IL15: variants seen among roughly 807,000 people sequenced by gnomAD.
IL15 encodes interleukin 15.
Under a neutral mutation model 19.6 loss-of-function variants are expected in IL15, and 11 were observed. The observed-to-expected ratio is 0.56, with a 90% CI of 0.35 to 0.93. The LOEUF is 0.93. IL15 is among the 40% of genes least tolerant of loss of function. The pLI is 0.01. For synonymous variants in IL15, 58 were observed against 59.6 expected (o/e 0.97, Z 0.12); for missense variants, 197 against 186.5 (o/e 1.06, Z -0.33).
rs181375044 is a variant in IL15 at position 141,645,074 on chromosome 4, C to A, written c.-222+8326C>A. Among the ~76,000 whole-genome samples the A allele has an allele frequency of 1.6e-3, 243 of 152,168 alleles. 2 individuals are homozygous for A. The highest frequency in any genetic ancestry group is 5.7e-3 in the African/African-American group (235 of 41,518). ...TGTTAGAGGGTTAATAATTTAGAGA[C>A]CTTTTATATACTCACTTTTGTTTAA... is the stretch of plus-strand genomic sequence containing the variant. On this transcript the variant is annotated intron_variant, in intron 1 of 7. Coordinates refer to ENST00000320650, the MANE Select transcript of IL15 (RefSeq NM_000585.5).
intron 1 of IL15, among the ~76,000 whole-genome samples, chr4:141,654,917 G>A (rs1727539373): frequency 6.6e-6 from 1 of 152,108 alleles, no homozygotes; most frequent in African/African-American, 2.4e-5. Flanking sequence ...TAAAATTGAA[G>A]AAATATACTG....
rs187669054 is a variant in IL15, at chr4:141,651,066, T to C, written c.-221-5120T>C. Among the ~76,000 whole-genome samples, 85 of 152,120 alleles carry C rather than the reference T, an allele frequency of 5.6e-4. 1 individual carries two copies. The highest frequency in any genetic ancestry group is 9.6e-5 in the African/African-American group (4 of 41,528). On this transcript the variant is annotated intron_variant, in intron 1 of 7. Coordinates refer to ENST00000320650, the MANE Select transcript of IL15 (RefSeq NM_000585.5). ...TAGATGGGAATGATGGTAGTCTGTA[T>C]GGAGTATAATAAAAGAATAGATGAA...
At chr4:141,687,788 C>T (rs759932233) in intron 2 of IL15, among the ~76,000 whole-genome samples, 1 of 152,072 alleles carries the variant, frequency 6.6e-6, no homozygotes, top group East Asian at 1.9e-4. Context: ...AATAACCCAG[C>T]CTTTTACTAA....
chr4:141,698,707 C>T (rs1306611433), intron 2 of IL15, among the ~76,000 whole-genome samples: 1 of 151,978 alleles, frequency 6.6e-6, no homozygotes, highest in African/African-American at 2.4e-5. Context: ...TCTAATTGAG[C>T]TTAATTGAAT....
chr4:141,711,353 A>T (rs1032374467), intron 2 of IL15, among the ~76,000 whole-genome samples: 4 of 152,118 alleles, frequency 2.6e-5, no homozygotes, highest in Non-Finnish European at 5.9e-5. Flanking sequence ...GAAAGATGAA[A>T]TGTGGGGTAA....
At chr4:141,706,129 T>C (rs1174502617) in intron 2 of IL15, among the ~76,000 whole-genome samples, 2 of 152,022 alleles carry the variant, frequency 1.3e-5, no homozygotes, top group Non-Finnish European at 2.9e-5. Context: ...ATTTCGTAAA[T>C]GTTTTGTTCC....
At chr4:141,723,621 T>A (rs62325660) in intron 5 of IL15, among the ~76,000 whole-genome samples, 2,443 of 152,296 alleles carry the variant, frequency 0.016, 27 homozygotes, top group South Asian at 0.027. Flanking sequence ...TGGTAGTTTA[T>A]TACAGCAGCT....
chr4:141,674,542 C>T (rs1425882616), intron 2 of IL15, among the ~76,000 whole-genome samples: 8 of 151,160 alleles, frequency 5.3e-5, no homozygotes, highest in Non-Finnish European at 7.4e-5. Flanking sequence ...GCCAAGATCA[C>T]GCCACTGCAC....
intron 2 of IL15, chr4:141,716,832 A>G (rs1729903014): frequency 6.6e-6 from 1 of 152,256 alleles, no homozygotes; most frequent in Non-Finnish European, 1.5e-5. Flanking sequence ...AGGATGCAGA[A>G]TATGGAGTGA....
intron 1 of IL15, among the ~76,000 whole-genome samples, chr4:141,643,863 C>T (rs1727132946): frequency 6.6e-6 from 1 of 151,854 alleles, no homozygotes; most frequent in South Asian, 2.1e-4. Flanking sequence ...GTCTATTTAG[C>T]TGTTATTCAA....
intron 2 of IL15, among the ~76,000 whole-genome samples, chr4:141,697,948 A>G (rs1729157623): frequency 6.6e-6 from 1 of 151,960 alleles, no homozygotes; most frequent in Non-Finnish European, 1.5e-5. Context: ...ATGCTTTTCC[A>G]TTCAGTATTA....
chr4:141,641,020 C>T (rs539337408), intron 1 of IL15, among the ~76,000 whole-genome samples: 1 of 152,200 alleles, frequency 6.6e-6, no homozygotes, highest in Non-Finnish European at 1.5e-5. Flanking sequence ...TCTTTGGTCC[C>T]TTATATCACT....
intron 2 of IL15, among the ~76,000 whole-genome samples, chr4:141,685,609 C>T (rs1282680195): frequency 6.6e-6 from 1 of 152,188 alleles, no homozygotes; most frequent in Non-Finnish European, 1.5e-5. Flanking sequence ...TCACCAAGTG[C>T]TCTTCAGAAT....
intron 2 of IL15, among the ~76,000 whole-genome samples, chr4:141,710,748 T>C (rs1213114861): frequency 6.6e-6 from 1 of 152,212 alleles, no homozygotes; most frequent in East Asian, 1.9e-4. Context: ...GTTTGTTCAT[T>C]TTATTTTATT....
chr4:141,674,830 T>C (rs1466800645), intron 2 of IL15, among the ~76,000 whole-genome samples: 1 of 152,190 alleles, frequency 6.6e-6, no homozygotes, highest in Non-Finnish European at 1.5e-5. Context: ...ATTAGTTTTC[T>C]ATTGCTATGT....
chr4:141,729,798 A>T (rs749929145), intron 6 of IL15, 49 bp from the exon 7 acceptor site: 23 of 1,064,264 alleles, frequency 2.2e-5, no homozygotes, highest in Non-Finnish European at 3.0e-5. Context: ...TCAGTATGAA[A>T]ATTAATAATC....
intron 1 of IL15, among the ~76,000 whole-genome samples, chr4:141,638,607 A>C (rs554196237): frequency 1.3e-5 from 2 of 152,350 alleles, no homozygotes; most frequent in African/African-American, 4.8e-5. Context: ...AATGTAGCCA[A>C]TGTCAACAGC....
chr4:141,641,632 A>G, intron 1 of IL15, among the ~76,000 whole-genome samples: 1 of 144,942 alleles, frequency 6.9e-6, no homozygotes, highest in Non-Finnish European at 1.5e-5. Context: ...ATAGGTGGGA[A>G]TTGAACAATG....
At chr4:141,662,029 G>C (rs929127552) in intron 2 of IL15, among the ~76,000 whole-genome samples, 1 of 151,970 alleles carries the variant, frequency 6.6e-6, no homozygotes, top group South Asian at 2.1e-4. Flanking sequence ...TGTCTTTTTC[G>C]TTTTTAGATT....
Sources: gnomAD v4.1 joint callset for allele counts (sites outside exome capture counted in the v4.1 genomes callset) on GRCh38, gnomAD v4.1.1 for gene constraint, MANE v1.5 for transcripts, NCBI Gene and HGNC (gene_info 2026-07-23, HGNC 2026-07-21) for gene names.